Variants in KCNJ6 observed in about 807,000 individuals in gnomAD.
The protein encoded by KCNJ6 is potassium inwardly rectifying channel subfamily J member 6.
Under a neutral mutation model 34.2 loss-of-function variants are expected in KCNJ6, and 9 were observed. The observed-to-expected ratio is 0.26, with a 90% confidence interval of 0.16 to 0.46. The LOEUF is 0.46. Ranked by LOEUF, KCNJ6 falls within the 20% of genes least tolerant of loss-of-function variation. The pLI, the probability that KCNJ6 is intolerant of heterozygous loss-of-function variation, is 1.00. For synonymous variants in KCNJ6, 196 were observed against 207.1 expected (o/e 0.95, Z 0.46); for missense variants, 236 against 531.3 (o/e 0.44, Z 5.46).
intron 1 of KCNJ6, among the ~76,000 whole-genome samples, chr21:37,904,119 T>C (rs1315978296): frequency 6.6e-6 from 1 of 152,244 alleles, no homozygotes; most frequent in African/African-American, 2.4e-5. Context: ...TGATCCTTTC[T>C]ATTAGCTGCT....
chr21:37,824,106 A>G (rs556108302), intron 2 of KCNJ6, among the ~76,000 whole-genome samples: 2 of 152,338 alleles, frequency 1.3e-5, no homozygotes, highest in East Asian at 1.9e-4. Context: ...GGTGGGGGGA[A>G]AAAGAGACAA....
At chr21:37,879,241 T>C (rs949325651) in intron 1 of KCNJ6, among the ~76,000 whole-genome samples, 8 of 152,106 alleles carry the variant, frequency 5.3e-5, no homozygotes, top group Non-Finnish European at 8.8e-5. Context: ...ACTAACTCCA[T>C]AGAGAATTTG....
intron 2 of KCNJ6, among the ~76,000 whole-genome samples, chr21:37,742,027 G>C (rs1015072143): frequency 1.3e-5 from 2 of 152,212 alleles, no homozygotes; most frequent in African/African-American, 4.8e-5. Flanking sequence ...TTGGAAAAGG[G>C]GGAAGGCCTC....
chr21:37,858,722 C>T (rs1039518681), intron 1 of KCNJ6, among the ~76,000 whole-genome samples: 2 of 152,014 alleles, frequency 1.3e-5, no homozygotes, highest in Non-Finnish European at 2.9e-5. Flanking sequence ...CAAAGAAATG[C>T]CTGAGAGATA....
chr21:37,836,278 T>C (rs1028635336), intron 2 of KCNJ6, among the ~76,000 whole-genome samples: 1 of 152,260 alleles, frequency 6.6e-6, no homozygotes, highest in African/African-American at 2.4e-5. Flanking sequence ...AGGAACATTT[T>C]ACACTGTTGG....
rs904426695 is a variant in KCNJ6 at position 37,615,657 on chromosome 21, G to A, written c.*9502C>T. The A allele has an allele frequency of 6.6e-5, 10 of 152,152 alleles. No individual in the cohort carries two copies. Among genetic ancestry groups the A allele is most frequent in the Admixed American group, 5.2e-4 (8 of 15,276 alleles). 9.4% of individuals were successfully genotyped at this position (152,152 alleles called of 1,614,324 possible). On this transcript the variant is annotated 3_prime_UTR_variant, in exon 4 of 4. Coordinates refer to ENST00000609713, the MANE Select transcript of KCNJ6 (RefSeq NM_002240.5). Reference sequence around the variant, plus strand: ...GGAACTTTGCTCTGGGGGCAAAAATGAGTATTTCTGATTTGAAATCAGGTT... The same window carrying A: ...GGAACTTTGCTCTGGGGGCAAAAATAAGTATTTCTGATTTGAAATCAGGTT...
At chr21:37,649,205 C>T (rs2054420998) in intron 3 of KCNJ6, among the ~76,000 whole-genome samples, 1 of 151,572 alleles carries the variant, frequency 6.6e-6, no homozygotes, top group Non-Finnish European at 1.5e-5. Flanking sequence ...GCTTTCCCTC[C>T]TCCTCACTTA....
intron 2 of KCNJ6, among the ~76,000 whole-genome samples, chr21:37,738,574 T>C (rs1255862620): frequency 6.6e-6 from 1 of 152,256 alleles, no homozygotes; most frequent in Admixed American, 6.5e-5. Flanking sequence ...GCGAATGATG[T>C]GTCCTTGAGA....
At chr21:37,745,762 A>G (rs1013150453) in intron 2 of KCNJ6, among the ~76,000 whole-genome samples, 5 of 152,198 alleles carry the variant, frequency 3.3e-5, no homozygotes, top group African/African-American at 1.2e-4. Context: ...AGCTGGGTAC[A>G]GGGGTGAATA....
At chr21:37,651,065 T>C (rs1038618592) in intron 3 of KCNJ6, among the ~76,000 whole-genome samples, 6 of 152,160 alleles carry the variant, frequency 3.9e-5, no homozygotes, top group African/African-American at 1.4e-4. Context: ...TGAAAGACAT[T>C]GATCATTGTA....
At chr21:37,691,613 G>T (rs139569688) in intron 3 of KCNJ6, among the ~76,000 whole-genome samples, 8 of 152,182 alleles carry the variant, frequency 5.3e-5, no homozygotes, top group Admixed American at 2.6e-4. Context: ...TGGTTTCCAG[G>T]AACATCTTCA....
chr21:37,898,259 T>C (rs991349677), intron 1 of KCNJ6, among the ~76,000 whole-genome samples: 1 of 152,248 alleles, frequency 6.6e-6, no homozygotes, highest in Non-Finnish European at 1.5e-5. Context: ...GAAAGTTCTA[T>C]TCCAGGTAGG....
intron 1 of KCNJ6, among the ~76,000 whole-genome samples, chr21:37,901,810 G>T (rs1053036909): frequency 6.6e-6 from 1 of 152,200 alleles, no homozygotes; most frequent in Non-Finnish European, 1.5e-5. Flanking sequence ...TAGAAGAGTA[G>T]TGTAAGTAGC....
intron 2 of KCNJ6, among the ~76,000 whole-genome samples, chr21:37,807,627 A>G (rs2055300107): frequency 1.3e-5 from 2 of 152,250 alleles, no homozygotes. Flanking sequence ...AACATGCTAC[A>G]CAGGCTTGTG....
chr21:37,772,972 A>G (rs991990209), intron 2 of KCNJ6, among the ~76,000 whole-genome samples: 1 of 152,230 alleles, frequency 6.6e-6, no homozygotes, highest in Non-Finnish European at 1.5e-5. Context: ...GGTCTTTTTC[A>G]TATGGAATAC....
At chr21:37,871,253 C>A (rs867817564) in intron 1 of KCNJ6, among the ~76,000 whole-genome samples, 4 of 152,154 alleles carry the variant, frequency 2.6e-5, no homozygotes, top group Middle Eastern at 3.2e-3. Context: ...GCTTGCATGA[C>A]ATCATAGCCA....
At position 37,768,326 on chromosome 21, in the gene KCNJ6, G is replaced by A. The variant is rs573513664; in HGVS notation, c.26-53195C>T. On this transcript the variant is annotated intron_variant, in intron 2 of 3. Coordinates refer to ENST00000609713, the MANE Select transcript of KCNJ6 (RefSeq NM_002240.5). ...GGAGGGAAGGTGCTGTTCTATTTCA[G>A]CTTCTGAATTTTCACATTAATGATA... Among the ~76,000 whole-genome samples the A allele has an allele frequency of 1.4e-4, 21 of 152,178 alleles. No individual in the cohort carries two copies. In the South Asian group the frequency reaches 4.3e-3, roughly 32 times the overall value.
At chr21:37,722,050 A>G (rs1046595939) in intron 2 of KCNJ6, among the ~76,000 whole-genome samples, 2 of 152,208 alleles carry the variant, frequency 1.3e-5, no homozygotes, top group Admixed American at 6.5e-5. Context: ...AAAAAATACT[A>G]AAGACTCTGC....
chr21:37,840,571 A>C, intron 2 of KCNJ6, 87 bp downstream of exon 2: 2 of 860,806 alleles, frequency 2.3e-6, no homozygotes, highest in Non-Finnish European at 3.9e-6. Flanking sequence ...AGGACAAATC[A>C]GATCATCACA....
Sources: gnomAD v4.1 joint callset for allele counts (sites outside exome capture counted in the v4.1 genomes callset) on GRCh38, gnomAD v4.1.1 for gene constraint, MANE v1.5 for transcripts, NCBI Gene and HGNC (gene_info 2026-07-23, HGNC 2026-07-21) for gene names.